The following HDAC9 variants were observed in gnomAD, a reference collection of about 807,000 sequenced individuals.
HDAC9 encodes the protein histone deacetylase 9.
A neutral mutation model predicts 139.4 loss-of-function variants in HDAC9; 41 were observed. The observed-to-expected ratio is 0.29, with a 90% CI of 0.23 to 0.38. The LOEUF (loss-of-function observed/expected upper bound fraction) is 0.38. Ranked by LOEUF, HDAC9 falls within the 10% of genes least tolerant of loss-of-function variation. The pLI is 1.00. For missense variants in HDAC9, 1,147 were observed against 1,297.0 expected (o/e 0.88, Z 1.78); for synonymous variants, 517 against 476.2 (o/e 1.09, Z -1.12).
chr7:18,174,049 C>A (rs1788676597), intron 2 of HDAC9, among the ~76,000 whole-genome samples: 1 of 152,200 alleles, frequency 6.6e-6, no homozygotes. Context: ...TGTTTTCCAA[C>A]TCATTTCCAT....
At chr7:18,751,639 A>C (rs994161793) in intron 14 of HDAC9, among the ~76,000 whole-genome samples, 2 of 151,776 alleles carry the variant, frequency 1.3e-5, no homozygotes, top group Admixed American at 1.3e-4. Flanking sequence ...AAATTAATTC[A>C]CTTTTAAGAT....
chr7:18,219,671 A>C (rs1289410415), intron 2 of HDAC9, among the ~76,000 whole-genome samples: 2 of 152,186 alleles, frequency 1.3e-5, no homozygotes, highest in African/African-American at 2.4e-5. Flanking sequence ...TTTCCTGCCC[A>C]GGACTTTCAT....
At chr7:18,837,647 A>T (rs967953444) in intron 21 of HDAC9, among the ~76,000 whole-genome samples, 1 of 152,120 alleles carries the variant, frequency 6.6e-6, no homozygotes, top group Admixed American at 6.6e-5. Context: ...GGGGTACTAT[A>T]GCTTTATATA....
At chr7:18,399,529 C>T (rs1265884071) in intron 1 of HDAC9, among the ~76,000 whole-genome samples, 1 of 152,064 alleles carries the variant, frequency 6.6e-6, no homozygotes, top group South Asian at 2.1e-4. Flanking sequence ...GTTGTTTTGT[C>T]GACAAGGGAA....
chr7:18,389,319 C>T (rs570083450), intron 1 of HDAC9, among the ~76,000 whole-genome samples: 1 of 152,314 alleles, frequency 6.6e-6, no homozygotes, highest in African/African-American at 2.4e-5. Flanking sequence ...TATTTTATTT[C>T]TCATTCACGT....
At chr7:18,603,552 G>C (rs1171308653) in intron 6 of HDAC9, among the ~76,000 whole-genome samples, 1 of 151,894 alleles carries the variant, frequency 6.6e-6, no homozygotes, top group African/African-American at 2.4e-5. Flanking sequence ...CCACTTTACA[G>C]GTCATACAGG....
chr7:18,968,639 G>A (rs1015307402), intron 24 of HDAC9, among the ~76,000 whole-genome samples: 2 of 152,126 alleles, frequency 1.3e-5, no homozygotes, highest in Non-Finnish European at 2.9e-5. Flanking sequence ...GTATTACTGA[G>A]TTGAGAATAA....
chr7:18,854,562 G>A (rs529472926), intron 21 of HDAC9, among the ~76,000 whole-genome samples: 31 of 151,964 alleles, frequency 2.0e-4, no homozygotes, highest in African/African-American at 7.5e-4. Flanking sequence ...CAGAAGAAGA[G>A]TCAATAGGAG....
At chr7:18,979,722 G>A (rs989318741) in intron 25 of HDAC9, among the ~76,000 whole-genome samples, 2 of 152,102 alleles carry the variant, frequency 1.3e-5, no homozygotes, top group Non-Finnish European at 2.9e-5. Context: ...AGGTGATTGG[G>A]GAGCGGGTAC....
At chr7:18,124,269 C>T (rs569430955) in intron 1 of HDAC9, among the ~76,000 whole-genome samples, 166 of 152,280 alleles carry the variant, frequency 1.1e-3, no homozygotes, top group African/African-American at 3.6e-3. Flanking sequence ...ATGTCTTTTA[C>T]GGTCTGCTTC....
chr7:18,376,451 T>C (rs1230540878), intron 1 of HDAC9, among the ~76,000 whole-genome samples: 1 of 152,210 alleles, frequency 6.6e-6, no homozygotes, highest in Non-Finnish European at 1.5e-5. Flanking sequence ...ATGCTTTGAT[T>C]TATCAGCTTT....
At chr7:18,869,152 GT>G (rs1798720968) in intron 21 of HDAC9, among the ~76,000 whole-genome samples, 1 of 126,264 alleles carries the variant, frequency 7.9e-6, no homozygotes, top group African/African-American at 3.7e-5. Flanking sequence ...ATTGGGGTGT[GT>G]GTGTGTGTGT....
intron 13 of HDAC9, among the ~76,000 whole-genome samples, chr7:18,738,530 G>T (rs940170670): frequency 1.3e-5 from 2 of 152,156 alleles, no homozygotes; most frequent in Non-Finnish European, 2.9e-5. Flanking sequence ...GCTTAGTTTG[G>T]CTGGATATGA....
At chr7:18,674,858 G>A (rs2129085999) in intron 12 of HDAC9, among the ~76,000 whole-genome samples, 1 of 151,726 alleles carries the variant, frequency 6.6e-6, no homozygotes, top group South Asian at 2.1e-4. Flanking sequence ...GGTAAATGAT[G>A]GAAATATTTT....
chr7:18,306,440 T>C (rs1293259455), intron 1 of HDAC9, among the ~76,000 whole-genome samples: 1 of 152,216 alleles, frequency 6.6e-6, no homozygotes, highest in Non-Finnish European at 1.5e-5. Context: ...ATCTGAGTTT[T>C]ACCCATGCTC....
chr7:18,096,828 A>T (rs1021256703), intron 1 of HDAC9, among the ~76,000 whole-genome samples: 2 of 151,852 alleles, frequency 1.3e-5, no homozygotes, highest in Non-Finnish European at 2.9e-5. Flanking sequence ...AGCAACTCTC[A>T]CATGAGAAGT....
At chr7:18,184,739 C>T (rs1006537439) in intron 2 of HDAC9, among the ~76,000 whole-genome samples, 1 of 152,094 alleles carries the variant, frequency 6.6e-6, no homozygotes, top group East Asian at 1.9e-4. Flanking sequence ...AATCAGAATC[C>T]AGCATATTCA....
chr7:18,224,786 TGTAAA>T (rs1340670427), intron 2 of HDAC9, among the ~76,000 whole-genome samples: 1 of 151,986 alleles, frequency 6.6e-6, no homozygotes, highest in Non-Finnish European at 1.5e-5. Flanking sequence ...AATATGAGGA[TGTAAA>T]GTAATTACAA....
chr7:18,625,395 C>A (rs1200928033), intron 6 of HDAC9, among the ~76,000 whole-genome samples: 1 of 152,162 alleles, frequency 6.6e-6, no homozygotes, highest in African/African-American at 2.4e-5. Context: ...CCCAGGGTTT[C>A]TCATACTTCG....
Sources: gnomAD v4.1 joint callset for allele counts (sites outside exome capture counted in the v4.1 genomes callset) on GRCh38, gnomAD v4.1.1 for gene constraint, MANE v1.5 for transcripts, NCBI Gene and HGNC (gene_info 2026-07-23, HGNC 2026-07-21) for gene names.